PLXND1: variants seen among roughly 807,000 people sequenced by gnomAD.
The protein encoded by PLXND1 is plexin D1, also known as plexin-D1.
In PLXND1, 54 loss-of-function variants were observed where a neutral mutation model predicts 197.7. The ratio of observed to expected loss-of-function variants is 0.27; its 90% CI spans 0.22 to 0.34. The LOEUF is 0.34. Among genes scored for constraint, PLXND1 ranks in the 10% least tolerant of loss-of-function variants. PLXND1 has a pLI of 1.00. For missense variants in PLXND1, 2,127 were observed against 2,699.2 expected (o/e 0.79, Z 4.70); for synonymous variants, 1,180 against 1,161.2 (o/e 1.02, Z -0.33).
intron 8 of PLXND1, among the ~76,000 whole-genome samples, chr3:129,583,316 G>A (rs2285369): frequency 0.051 from 7,792 of 152,088 alleles, 293 homozygotes; most frequent in East Asian, 0.12. Flanking sequence ...TCTAAGAAGC[G>A]GTCTTCAGGG....
At position 129,606,583 on chromosome 3, in the gene PLXND1, G is replaced by T. The variant is rs1373965511; in HGVS notation, c.57C>A (p.Ser19Arg). 1.6e-6 allele frequency: 2 copies of T among 1,224,152 alleles called. No homozygotes were observed. The highest frequency in any genetic ancestry group is 3.3e-5 in the East Asian group (1 of 30,712). The allele number at this position is 1,224,152 out of a possible 1,614,324, so 75.8% of individuals were successfully genotyped here. ...GCGGCGGCGTCTGGAACGGCGGGGG[G>T]CTGGCGGCGGCGGCCCGGGCGCTAA... ...APLSARAAAASPPPFQTPPRC... is the reference protein window; with the variant it reads ...APLSARAAAARPPPFQTPPRC... The change falls in exon 1 of 36, where the codon AGC becomes AGA. Residue 19 changes from serine to arginine, a missense_variant. By Grantham distance (110) the Ser-to-Arg change is moderately radical. Transcript: ENST00000324093.
rs377143566 is a variant in PLXND1, at chr3:129,603,180, G to A, written c.1311+2149C>T. Among the ~76,000 whole-genome samples the A allele has an allele frequency of 3.3e-5, 5 of 152,316 alleles. No individual in the cohort carries two copies. The South Asian group carries it at 1.0e-3, about 32-fold the overall frequency. On this transcript the variant is annotated intron_variant, in intron 1 of 35. Transcript: ENST00000324093. ...AGAAGGGTGTGGAAAACACAGGGAGGGTGACCAAGGAAGGCCGCAGCCGGA... is the reference window on the plus strand; with the variant it reads ...AGAAGGGTGTGGAAAACACAGGGAGAGTGACCAAGGAAGGCCGCAGCCGGA...
At chr3:129,582,726 A>G (rs74610812) in intron 8 of PLXND1, among the ~76,000 whole-genome samples, 1,656 of 152,308 alleles carry the variant, frequency 0.011, 37 homozygotes, top group African/African-American at 0.037. Context: ...TCAGAAACCA[A>G]CCAGGGGCGA....
In PLXND1 at chr3:129,571,319, CA is replaced by C. The variant is rs768480752; in HGVS notation, c.3337-17del. 3 of 1,606,620 alleles carry C rather than the reference CA, an allele frequency of 1.9e-6. No individual in the cohort carries two copies. The African/African-American group carries it at 4.0e-5, about 21-fold the overall frequency. On this transcript the variant is annotated splice_polypyrimidine_tract_variant and intron_variant, in intron 17 of 35. Coordinates refer to ENST00000324093, the MANE Select transcript of PLXND1 (RefSeq NM_015103.3). The stretch of plus-strand genomic sequence containing the variant: ...CCTTGCAGAGCTGGTGCAGGAGAGC[CA>C]GGGGCCCAGGCCGGGATGCAGGATG...
rs531361675 is a variant in PLXND1, at chr3:129,574,279, C to T, written c.2685+57G>A. ...CCAAGAAGTGGGACCCTCGAGGGCA[C>T]TGCGCATGCGCCGTGCCGGAGTGCG... On this transcript the variant is annotated intron_variant, in intron 12 of 35. Transcript: ENST00000324093. 6.0e-6 allele frequency: 9 copies of T among 1,489,180 alleles called. No individual in the cohort carries two copies. The Admixed American group carries it at 1.3e-4, about 22-fold the overall frequency. The allele number at this position is 1,489,180 out of a possible 1,614,324, so 92.2% of individuals were successfully genotyped here. A position where few individuals can be genotyped will look rare whatever the true frequency, so the allele number is the denominator to read the frequency against.
intron 1 of PLXND1, among the ~76,000 whole-genome samples, chr3:129,599,549 T>C (rs932466924): frequency 6.6e-6 from 1 of 152,166 alleles, no homozygotes; most frequent in African/African-American, 2.4e-5. Context: ...ACACTGACCA[T>C]TGAACCCACA....
chr3:129,567,849 G>A lies in PLXND1; in HGVS notation c.3866-44C>T, dbSNP rs188708424. On this transcript the variant is annotated intron_variant, in intron 20 of 35. Coordinates refer to ENST00000324093, the MANE Select transcript of PLXND1 (RefSeq NM_015103.3). ...CAGGTCAGGCCTCTGGTGCCCTTTG[G>A]AAAGCCTTTATTGGCGCCTGCTGTA... The A allele has an allele frequency of 6.9e-5, 85 of 1,236,862 alleles. No individual in the cohort carries two copies. The African/African-American group carries it at 9.3e-4, about 13-fold the overall frequency. The allele number at this position is 1,236,862 out of a possible 1,614,324, so 76.6% of individuals were successfully genotyped here. A position where few individuals can be genotyped will look rare whatever the true frequency, so the allele number is the denominator to read the frequency against.
intron 8 of PLXND1, among the ~76,000 whole-genome samples, 181 bp downstream of exon 8, chr3:129,583,386 T>C (rs1335466570): frequency 6.6e-6 from 1 of 152,108 alleles, no homozygotes; most frequent in African/African-American, 2.4e-5. Flanking sequence ...GAGGAAATAA[T>C]TAGTATGTCC....
chr3:129,584,678 G>T, intron 5 of PLXND1, 116 bp from the exon 6 acceptor site: 5 of 994,264 alleles, frequency 5.0e-6, no homozygotes, highest in Non-Finnish European at 5.9e-6. Context: ...GGGGGAAGGG[G>T]TAGTGGTGGC....
At chr3:129,591,839 A>G (rs908435548) in intron 1 of PLXND1, among the ~76,000 whole-genome samples, 3 of 152,064 alleles carry the variant, frequency 2.0e-5, no homozygotes, top group Admixed American at 2.0e-4. Context: ...ATCTGCTAAC[A>G]CAGCTGCCAA....
At chr3:129,556,910 C>T in intron 34 of PLXND1, 173 bp downstream of exon 34, 4 of 788,520 alleles carry the variant, frequency 5.1e-6, no homozygotes, top group Non-Finnish European at 8.0e-6. Flanking sequence ...CCCCGCTCCT[C>T]AAACTCTGGG....
intron 26 of PLXND1, 72 bp downstream of exon 26, chr3:129,563,022 A>C: frequency 6.2e-7 from 1 of 1,610,730 alleles, no homozygotes; most frequent in South Asian, 1.1e-5. Context: ...AAGGCCCTGC[A>C]GAGGAAGGCT....
rs557930834 is a variant in PLXND1 at position 129,595,522 on chromosome 3, A to T, written c.1312-5995T>A. On this transcript the variant is annotated intron_variant, in intron 1 of 35. Transcript: ENST00000324093. ...ATGGTCAGGAAGCCTGGCCTTAGCC[A>T]CAGAGGAAAAGCAGCCTGGAGGAGC... Among the ~76,000 whole-genome samples, 5 of 152,346 alleles carry T rather than the reference A, an allele frequency of 3.3e-5. No homozygotes were observed. The South Asian group carries it at 1.0e-3, about 32-fold the overall frequency.
rs963729737 is a variant in PLXND1, at chr3:129,577,554, C to T, written c.2346+775G>A. 3.9e-5 allele frequency among the ~76,000 whole-genome samples: 6 copies of T among 152,096 alleles called. No homozygotes were observed. Among genetic ancestry groups the T allele is most frequent in the African/African-American group, 1.2e-4 (5 of 41,458 alleles). On this transcript the variant is annotated intron_variant, in intron 9 of 35. Transcript: ENST00000324093. The surrounding 1 kb of genome is among the most constrained non-coding windows in gnomAD (Gnocchi z 5.0). ...CCCGACACATCCCAGATGCCCGGCA[C>T]GTGGCCACCACGTGTGACAGCTCTC... is the stretch of plus-strand genomic sequence containing the variant.
In PLXND1 at chr3:129,566,031, T is replaced by C; in HGVS notation, c.4192-14A>G. 1 of 1,614,002 alleles carries C rather than the reference T, an allele frequency of 6.2e-7. No homozygotes were observed. Among genetic ancestry groups the C allele is most frequent in the Non-Finnish European group, 8.5e-7 (1 of 1,179,928 alleles). On this transcript the variant is annotated splice_polypyrimidine_tract_variant and intron_variant, in intron 23 of 35. Transcript: ENST00000324093. ...GCTCTCAGGAATCTGTGGAAGCAAC[T>C]GGTGATGGGGTGTCCAGAGGGGCCC...
intron 1 of PLXND1, among the ~76,000 whole-genome samples, chr3:129,600,852 C>T (rs562670087): frequency 6.6e-6 from 1 of 152,142 alleles, no homozygotes; most frequent in African/African-American, 2.4e-5. Flanking sequence ...GTCTTCTTGA[C>T]GACGTGCACC....
intron 8 of PLXND1, among the ~76,000 whole-genome samples, chr3:129,582,083 G>A (rs886643270): frequency 5.3e-5 from 8 of 152,238 alleles, no homozygotes; most frequent in Non-Finnish European, 1.2e-4. Context: ...CGACTCCACT[G>A]GGCTCTCCTC....
intron 1 of PLXND1, among the ~76,000 whole-genome samples, chr3:129,595,214 C>A (rs909525045): frequency 2.6e-5 from 4 of 152,366 alleles, no homozygotes; most frequent in African/African-American, 9.6e-5. Context: ...GACTCCCAGA[C>A]CCCAGCTCCT....
Position 129,565,997 on chromosome 3 carries a change from G to T in PLXND1, c.4212C>A (p.Pro1404=). 1.2e-6 allele frequency: 2 copies of T among 1,614,160 alleles called. No homozygotes were observed. Among genetic ancestry groups the T allele is most frequent in the Non-Finnish European group, 1.7e-6 (2 of 1,180,006 alleles). Residue 1404 remains proline, a synonymous_variant, in exon 24 of 36, where the codon CCC becomes CCA. Transcript: ENST00000324093. ...ACAAGCTAATTCCCTCTTCCATGTT[G>T]GGCCGGCAGCTCTCAGGAATCTGTG... ...GEWKIPESCR[P]NMEEGISLFS... is the part of the protein sequence containing the mutation.
Sources: allele counts gnomAD v4.1 joint callset (sites outside exome capture counted in the v4.1 genomes callset), GRCh38; gene constraint gnomAD v4.1.1; non-coding constraint Gnocchi (gnomAD v3.1); transcripts MANE v1.5; gene names NCBI Gene and HGNC (gene_info 2026-07-23, HGNC 2026-07-21).